VPS8: variants seen among roughly 807,000 people sequenced by gnomAD.
VPS8 encodes vacuolar protein sorting-associated protein 8 homolog.
In VPS8, 129 loss-of-function variants were observed where a neutral mutation model predicts 216.4. That is an observed-to-expected ratio of 0.60 (90% CI 0.52 to 0.69). The LOEUF (loss-of-function observed/expected upper bound fraction) is 0.69, where lower values mean the gene tolerates loss of function less well. VPS8 is among the 30% of genes least tolerant of loss of function. The pLI is 0.00. For synonymous variants in VPS8, 571 were observed against 565.4 expected, an observed-to-expected ratio of 1.01 and a Z score of -0.14; for missense variants, 1,531 against 1,683.5, an observed-to-expected ratio of 0.91 and a Z score of 1.59.
intron 46 of VPS8, among the ~76,000 whole-genome samples, chr3:185,042,897 C>T (rs1447125534): frequency 1.3e-5 from 2 of 152,146 alleles, no homozygotes; most frequent in Non-Finnish European, 2.9e-5. Flanking sequence ...TGTGTGGGAA[C>T]AGTATGTGGG....
chr3:184,817,291 G>A (rs1216353505), intron 1 of VPS8: 2 of 152,294 alleles, frequency 1.3e-5, no homozygotes, highest in African/African-American at 4.8e-5. Context: ...GGGTGGATGG[G>A]TAGATGGGTG....
At chr3:185,000,804 G>T (rs1012553522) in intron 45 of VPS8, among the ~76,000 whole-genome samples, 2 of 151,850 alleles carry the variant, frequency 1.3e-5, no homozygotes, top group Admixed American at 1.3e-4. Flanking sequence ...TTGAGGTTTC[G>T]TCGTGTTAGC....
At chr3:184,859,599 A>G (rs1725898874) in intron 14 of VPS8, among the ~76,000 whole-genome samples, 1 of 152,222 alleles carries the variant, frequency 6.6e-6, no homozygotes, top group Admixed American at 6.5e-5. Flanking sequence ...AGTCTGGTTT[A>G]CATCACTGCA....
At chr3:184,958,494 TG>T (rs1180549193) in intron 37 of VPS8, among the ~76,000 whole-genome samples, 1 of 152,196 alleles carries the variant, frequency 6.6e-6, no homozygotes. Flanking sequence ...TATCTATAGT[TG>T]GGGTGGAAGT....
intron 35 of VPS8, among the ~76,000 whole-genome samples, chr3:184,938,969 G>A (rs1406329265): frequency 6.7e-6 from 1 of 149,196 alleles, no homozygotes; most frequent in Non-Finnish European, 1.5e-5. Flanking sequence ...GGTTGAGGCC[G>A]CAGTGAGCTG....
At chr3:185,027,706 G>C (rs955981928) in intron 46 of VPS8, among the ~76,000 whole-genome samples, 2 of 152,108 alleles carry the variant, frequency 1.3e-5, no homozygotes, top group Non-Finnish European at 2.9e-5. Flanking sequence ...TTTTCAAACT[G>C]AGTAATGTCC....
At chr3:184,999,633 C>A in intron 44 of VPS8, 63 bp from the exon 45 acceptor site, 1 of 1,505,650 alleles carries the variant, frequency 6.6e-7, no homozygotes, top group Non-Finnish European at 8.9e-7. Context: ...AGTACACTTA[C>A]AAGCTTATAT....
intron 46 of VPS8, among the ~76,000 whole-genome samples, chr3:185,040,664 A>C (rs1282399696): frequency 6.6e-6 from 1 of 152,148 alleles, no homozygotes; most frequent in Non-Finnish European, 1.5e-5. Flanking sequence ...GTTTCTGTAA[A>C]TGGAACCAAA....
chr3:185,003,978 G>A (rs1464108655), intron 45 of VPS8, among the ~76,000 whole-genome samples: 99 of 151,752 alleles, frequency 6.5e-4, no homozygotes, highest in Non-Finnish European at 1.3e-3. Flanking sequence ...GGGCAGAGAC[G>A]CTCCTCACTT....
chr3:185,026,236 A>C (rs972864201), intron 46 of VPS8, among the ~76,000 whole-genome samples: 7 of 152,184 alleles, frequency 4.6e-5, no homozygotes, highest in African/African-American at 1.7e-4. Flanking sequence ...ACAACTATTT[A>C]CATTGTATTG....
At chr3:184,869,133 C>G in intron 19 of VPS8, 97 bp downstream of exon 19, 1 of 1,161,766 alleles carries the variant, frequency 8.6e-7, no homozygotes, top group Non-Finnish European at 1.2e-6. Flanking sequence ...AGCTGAGTGT[C>G]GAAGTGTTTA....
chr3:184,985,747 A>G (rs1411743814), intron 42 of VPS8, among the ~76,000 whole-genome samples: 1 of 152,240 alleles, frequency 6.6e-6, no homozygotes, highest in Non-Finnish European at 1.5e-5. Context: ...TCTCTCGTTA[A>G]GTCTCTGGAT....
chr3:184,920,765 T>G (rs1340025297), intron 29 of VPS8, among the ~76,000 whole-genome samples: 1 of 152,258 alleles, frequency 6.6e-6, no homozygotes, highest in African/African-American at 2.4e-5. Context: ...GCAGGCCAGT[T>G]TCCTCTTGTA....
intron 42 of VPS8, among the ~76,000 whole-genome samples, chr3:184,988,524 A>G (rs1159289273): frequency 2.0e-5 from 3 of 152,124 alleles, no homozygotes; most frequent in African/African-American, 4.8e-5. Flanking sequence ...TCTATTTTCT[A>G]TTCCTTCACC....
At chr3:184,935,298 A>G (rs780116547) in intron 34 of VPS8, among the ~76,000 whole-genome samples, 1 of 152,228 alleles carries the variant, frequency 6.6e-6, no homozygotes, top group African/African-American at 2.4e-5. Context: ...TTGAATGGCT[A>G]CAGATCAGTA....
chr3:184,971,218 A>G (rs1039033753), intron 39 of VPS8, among the ~76,000 whole-genome samples: 4 of 152,220 alleles, frequency 2.6e-5, no homozygotes, highest in African/African-American at 7.2e-5. Context: ...AAGATATGAG[A>G]GTTGAAACAA....
At chr3:184,819,432 G>A (rs1717065253) in intron 1 of VPS8, among the ~76,000 whole-genome samples, 1 of 152,202 alleles carries the variant, frequency 6.6e-6, no homozygotes, top group African/African-American at 2.4e-5. Flanking sequence ...AGAACTAGTT[G>A]TAGAATTGCA....
rs751914909 is a variant in VPS8, at chr3:184,930,608, A to G, written c.2898+40A>G. ...AACTTCACACTTCACCATCTGAACG[A>G]TCATCTAACCCAAGTTAACTTTATG... On this transcript the variant is annotated intron_variant, in intron 34 of 47. Transcript: ENST00000625842. 2.8e-5 allele frequency: 41 copies of G among 1,459,472 alleles called. No individual in the cohort carries two copies. In the East Asian group the frequency reaches 9.1e-4, roughly 32 times the overall value. 90.4% of individuals were successfully genotyped at this position (1,459,472 alleles called of 1,614,324 possible).
chr3:184,870,270 A>G (rs1452751193), intron 20 of VPS8, among the ~76,000 whole-genome samples: 1 of 152,202 alleles, frequency 6.6e-6, no homozygotes, highest in African/African-American at 2.4e-5. Flanking sequence ...GGGCTGAATT[A>G]ATTGACTATA....
Sources: gnomAD v4.1 joint callset for allele counts (sites outside exome capture counted in the v4.1 genomes callset) on GRCh38, gnomAD v4.1.1 for gene constraint, MANE v1.5 for transcripts, NCBI Gene and HGNC (gene_info 2026-07-23, HGNC 2026-07-21) for gene names.